LRMDA: variants seen among roughly 807,000 people sequenced by gnomAD.
LRMDA encodes leucine rich melanocyte differentiation associated.
In LRMDA, 18 loss-of-function variants were observed where a neutral mutation model predicts 29.8. The observed-to-expected ratio is 0.60, with a 90% CI of 0.42 to 0.90. The LOEUF (loss-of-function observed/expected upper bound fraction) is 0.90, where lower values mean the gene tolerates loss of function less well. Among genes scored for constraint, LRMDA ranks in the 40% least tolerant of loss-of-function variants. The pLI, the probability that LRMDA is intolerant of heterozygous loss-of-function variation, is 0.00. For missense variants in LRMDA, 273 were observed against 273.9 expected, an observed-to-expected ratio of 1.00 and a Z score of 0.02; for synonymous variants, 125 against 109.4, an observed-to-expected ratio of 1.14 and a Z score of -0.89.
intron 5 of LRMDA, among the ~76,000 whole-genome samples, chr10:76,163,058 AATATTATT>A: frequency 6.6e-6 from 1 of 152,302 alleles, no homozygotes; most frequent in Non-Finnish European, 1.5e-5. Flanking sequence ...AAATTATGTG[AATATTATT>A]AAAACGTGAG....
chr10:75,772,804 C>T (rs1199005018), intron 2 of LRMDA, among the ~76,000 whole-genome samples: 2 of 136,294 alleles, frequency 1.5e-5, no homozygotes, highest in African/African-American at 2.7e-5. Flanking sequence ...AGGACTAGAG[C>T]ACATTTCATA....
intron 2 of LRMDA, among the ~76,000 whole-genome samples, chr10:75,632,932 T>G (rs1841345556): frequency 6.6e-6 from 1 of 151,816 alleles, no homozygotes; most frequent in African/African-American, 2.4e-5. Context: ...TCCATGCAAG[T>G]GTTTCTGACA....
At chr10:75,657,008 T>C (rs1187123407) in intron 2 of LRMDA, among the ~76,000 whole-genome samples, 2 of 152,148 alleles carry the variant, frequency 1.3e-5, no homozygotes, top group African/African-American at 4.8e-5. Flanking sequence ...GACAATAAAA[T>C]GGAGGCATAG....
intron 2 of LRMDA, among the ~76,000 whole-genome samples, chr10:75,868,644 T>C (rs1399216799): frequency 2.0e-5 from 3 of 152,350 alleles, no homozygotes; most frequent in East Asian, 1.9e-4. Context: ...TTTCTTAGAC[T>C]CTGATGTTGG....
rs540263777 is a variant in LRMDA, at chr10:76,559,160, C to T, written c.*1872C>T. ...ATATCCAATCTAGCCACACATATAT[C>T]CTTGTCTTTATAAAAGGCTTTAACC... On this transcript the variant is annotated 3_prime_UTR_variant, in exon 7 of 7. Coordinates refer to ENST00000611255, the MANE Select transcript of LRMDA (RefSeq NM_001305581.2). The T allele has an allele frequency of 6.6e-6, 1 of 152,294 alleles. No homozygotes were observed. Among genetic ancestry groups the T allele is most frequent in the South Asian group, 2.1e-4 (1 of 4,818 alleles). 9.4% of individuals were successfully genotyped at this position (152,294 alleles called of 1,614,324 possible).
chr10:75,492,948 A>G (rs1177689507), intron 2 of LRMDA, among the ~76,000 whole-genome samples: 5 of 152,214 alleles, frequency 3.3e-5, no homozygotes, highest in African/African-American at 7.2e-5. Flanking sequence ...AACAAAGCTC[A>G]TTGAAGGAAT....
At chr10:75,479,630 T>C (rs1322126854) in intron 2 of LRMDA, among the ~76,000 whole-genome samples, 1 of 152,202 alleles carries the variant, frequency 6.6e-6, no homozygotes, top group Non-Finnish European at 1.5e-5. Context: ...AGAGCCATTG[T>C]GCATGTACTG....
At chr10:76,417,333 T>G (rs1185390557) in intron 6 of LRMDA, among the ~76,000 whole-genome samples, 3 of 152,254 alleles carry the variant, frequency 2.0e-5, no homozygotes, top group African/African-American at 7.2e-5. Context: ...TCTTATATTG[T>G]GCTACAGCCT....
intron 2 of LRMDA, among the ~76,000 whole-genome samples, chr10:75,636,071 C>T (rs1841386922): frequency 6.6e-6 from 1 of 152,194 alleles, no homozygotes; most frequent in African/African-American, 2.4e-5. Context: ...TAATCCTATG[C>T]AAATGTTTAA....
Position 76,005,798 on chromosome 10 carries a change from C to T in LRMDA, c.132-30210C>T, listed in dbSNP as rs558750786. 5.3e-5 allele frequency among the ~76,000 whole-genome samples: 8 copies of T among 151,624 alleles called. No homozygotes were observed. In the East Asian group the frequency reaches 5.9e-4, roughly 11 times the overall value. On this transcript the variant is annotated intron_variant, in intron 2 of 6. Transcript: ENST00000611255. ...ACAAAAAATTAGCCGAGCTTGGTGG[C>T]GGGCGCCTGTAGTCCCAGCTACTTG...
chr10:76,441,008 C>G (rs963386580), intron 6 of LRMDA, among the ~76,000 whole-genome samples: 1 of 152,118 alleles, frequency 6.6e-6, no homozygotes, highest in Non-Finnish European at 1.5e-5. Context: ...TCATAATAAA[C>G]CAACCTAAGA....
intron 2 of LRMDA, among the ~76,000 whole-genome samples, chr10:75,495,803 G>A (rs1845038747): frequency 6.6e-6 from 1 of 152,234 alleles, no homozygotes; most frequent in Non-Finnish European, 1.5e-5. Flanking sequence ...GCCTCGGGGT[G>A]GCTGGATTTT....
At chr10:76,161,627 TAGTC>T (rs976491488) in intron 5 of LRMDA, among the ~76,000 whole-genome samples, 5 of 152,200 alleles carry the variant, frequency 3.3e-5, no homozygotes, top group Non-Finnish European at 5.9e-5. Flanking sequence ...CAGCCCAAGA[TAGTC>T]AGACTACAAC....
intron 5 of LRMDA, among the ~76,000 whole-genome samples, chr10:76,129,211 C>T (rs902564067): frequency 2.0e-5 from 3 of 152,112 alleles, no homozygotes; most frequent in African/African-American, 2.4e-5. Flanking sequence ...CCATTATTGT[C>T]ACTCATCTGT....
chr10:75,983,955 C>G (rs113951179), intron 2 of LRMDA, among the ~76,000 whole-genome samples: 1 of 152,100 alleles, frequency 6.6e-6, no homozygotes, highest in Non-Finnish European at 1.5e-5. Context: ...ACGCCCGGCC[C>G]CCAGTGTGTT....
intron 2 of LRMDA, among the ~76,000 whole-genome samples, chr10:75,724,389 G>T (rs949452934): frequency 2.6e-5 from 4 of 152,146 alleles, no homozygotes; most frequent in African/African-American, 9.7e-5. Flanking sequence ...CCATTTTCCT[G>T]ACTGTTTTCA....
At chr10:75,523,412 G>A (rs560842891) in intron 2 of LRMDA, among the ~76,000 whole-genome samples, 4 of 152,268 alleles carry the variant, frequency 2.6e-5, no homozygotes, top group African/African-American at 4.8e-5. Flanking sequence ...TAAAACAGGC[G>A]CCCAGTTCTG....
At chr10:75,494,426 C>T (rs1845022307) in intron 2 of LRMDA, among the ~76,000 whole-genome samples, 1 of 151,602 alleles carries the variant, frequency 6.6e-6, no homozygotes, top group African/African-American at 2.4e-5. Context: ...TTCACCCATC[C>T]ACTTCTCTGT....
intron 2 of LRMDA, among the ~76,000 whole-genome samples, chr10:76,014,157 T>TATTTATATATATATACC (rs1450318136): frequency 7.0e-6 from 1 of 142,250 alleles, no homozygotes; most frequent in Non-Finnish European, 1.5e-5. Flanking sequence ...TATATATATA[T>TATTTATATATATATACC]ATAATTATAT....
Sources: allele counts gnomAD v4.1 joint callset (sites outside exome capture counted in the v4.1 genomes callset), GRCh38; gene constraint gnomAD v4.1.1; transcripts MANE v1.5; gene names NCBI Gene and HGNC (gene_info 2026-07-23, HGNC 2026-07-21).